ZFR: variants seen among roughly 807,000 people sequenced by gnomAD.
ZFR encodes zinc finger RNA-binding protein.
A neutral mutation model predicts 130.7 loss-of-function variants in ZFR; 19 were observed. The ratio of observed to expected loss-of-function variants is 0.15; its 90% CI spans 0.10 to 0.21. The LOEUF (loss-of-function observed/expected upper bound fraction) is 0.21. Ranked by LOEUF, ZFR falls within the 10% of genes least tolerant of loss-of-function variation. The pLI is 1.00. For synonymous variants in ZFR, 466 were observed against 456.9 expected (o/e 1.02, Z -0.25); for missense variants, 872 against 1,321.5 (o/e 0.66, Z 5.27).
intron 17 of ZFR, among the ~76,000 whole-genome samples, chr5:32,369,273 T>C (rs1394715117): frequency 6.6e-6 from 1 of 152,186 alleles, no homozygotes; most frequent in African/African-American, 2.4e-5. Flanking sequence ...TAGAACTCTT[T>C]GTTGGTTCTA....
At chr5:32,415,511 TGTGTGCGCGC>T (rs1338526506) in intron 4 of ZFR, among the ~76,000 whole-genome samples, 23 of 93,484 alleles carry the variant, frequency 2.5e-4, no homozygotes, top group Admixed American at 9.9e-4. Flanking sequence ...TGTGTGTGTG[TGTGTGCGCGC>T]GCGCGCGCGC....
At position 32,355,624 on chromosome 5, in the gene ZFR, A is replaced by G. The variant is rs1752286993; in HGVS notation, c.*136T>C. 5.0e-6 allele frequency: 4 copies of G among 794,670 alleles called. No homozygotes were observed. Among genetic ancestry groups the G allele is most frequent in the East Asian group, 3.1e-5 (1 of 32,750 alleles). The allele number at this position is 794,670 out of a possible 1,614,324, so 49.2% of individuals were successfully genotyped here. On this transcript the variant is annotated 3_prime_UTR_variant, in exon 20 of 20. Coordinates refer to ENST00000265069, the MANE Select transcript of ZFR (RefSeq NM_016107.5). Reference sequence around the variant, plus strand: ...TACCTAACACTGTACATTTTTTAATATCATAGAAAAACTTGGTTCTTCCAT... The same window carrying G: ...TACCTAACACTGTACATTTTTTAATGTCATAGAAAAACTTGGTTCTTCCAT...
intron 2 of ZFR, among the ~76,000 whole-genome samples, chr5:32,432,209 T>C (rs1045306948): frequency 6.6e-6 from 1 of 152,142 alleles, no homozygotes; most frequent in Non-Finnish European, 1.5e-5. Context: ...ATGTTGAGGG[T>C]ACAGTGAACT....
chr5:32,427,756 T>C (rs1012665212), intron 2 of ZFR, among the ~76,000 whole-genome samples: 3 of 152,198 alleles, frequency 2.0e-5, no homozygotes, highest in Non-Finnish European at 4.4e-5. Context: ...CAAAACAGTA[T>C]AGTGCTGGCA....
chr5:32,438,670 T>C (rs1269100166), intron 2 of ZFR, among the ~76,000 whole-genome samples: 1 of 152,186 alleles, frequency 6.6e-6, no homozygotes, highest in Non-Finnish European at 1.5e-5. Flanking sequence ...CTTTCCTTCT[T>C]TCTCTATTAG....
chr5:32,436,440 C>T (rs968374220), intron 2 of ZFR, among the ~76,000 whole-genome samples: 1 of 152,102 alleles, frequency 6.6e-6, no homozygotes, highest in East Asian at 1.9e-4. Flanking sequence ...CGTGAGCCAC[C>T]GTGCCTGGCC....
In ZFR at chr5:32,430,020, C is replaced by T. The variant is rs185842056; in HGVS notation, c.138-9917G>A. On this transcript the variant is annotated intron_variant, in intron 2 of 19. Transcript: ENST00000265069. Reference sequence around the variant, plus strand: ...CTGCTGTGAGCTACAACTGCACCACCGCAATCCTGGGTGATGTTGCCTGGG... The same window carrying T: ...CTGCTGTGAGCTACAACTGCACCACTGCAATCCTGGGTGATGTTGCCTGGG... Among the ~76,000 whole-genome samples, 615 of 142,700 alleles carry T rather than the reference C, an allele frequency of 4.3e-3. 4 individuals carry two copies. The highest frequency in any genetic ancestry group is 0.014 in the African/African-American group (536 of 38,374). The allele number at this position is 142,700 out of a possible 152,430, so 93.6% of individuals were successfully genotyped here.
intron 14 of ZFR, among the ~76,000 whole-genome samples, chr5:32,386,972 A>C (rs1753058212): frequency 6.6e-6 from 1 of 152,112 alleles, no homozygotes; most frequent in Non-Finnish European, 1.5e-5. Context: ...GCTTAAAAAA[A>C]GTTTGTTTTT....
chr5:32,396,200 A>C (rs1023095281), intron 10 of ZFR, among the ~76,000 whole-genome samples: 4 of 151,592 alleles, frequency 2.6e-5, no homozygotes, highest in Non-Finnish European at 2.9e-5. Context: ...GCAACAGAGC[A>C]AGGCCCTATC....
chr5:32,412,759 G>A (rs1753739063), intron 5 of ZFR, among the ~76,000 whole-genome samples: 1 of 152,114 alleles, frequency 6.6e-6, no homozygotes, highest in African/African-American at 2.4e-5. Flanking sequence ...ATATTGCTGA[G>A]CCATTTGAAA....
At position 32,385,613 on chromosome 5, in the gene ZFR, C is replaced by T. The variant is rs1457265492; in HGVS notation, c.2536G>A (p.Val846Ile). 6 of 1,613,276 alleles carry T rather than the reference C, an allele frequency of 3.7e-6. No homozygotes were observed. Among genetic ancestry groups the T allele is most frequent in the Non-Finnish European group, 5.1e-6 (6 of 1,179,516 alleles). The change falls in exon 15 of 20, where the codon GTA becomes ATA. Residue 846 changes from valine (V) to isoleucine (I), a missense_variant. Physicochemically the swap from Val to Ile is conservative, Grantham distance 29. Around this residue, in one of 7 missense-constraint regions of ZFR, gnomAD observed 225 missense variants for 282.4 expected, o/e 0.80. Transcript: ENST00000265069. ...TTCAAAATTATTGCCGCTTCAGATA[C>T]AGCACATTTTATGTCATACTTCTCA... Reference protein sequence around the residue: ...SPEKYDIKCAVSEAAIILNSC... With the variant: ...SPEKYDIKCAISEAAIILNSC...
Position 32,355,858 on chromosome 5 carries a change from T to C in ZFR, c.3127A>G (p.Asn1043Asp). Residue 1043 changes from asparagine (N) to aspartate (D), a missense_variant, in exon 20 of 20, where the codon AAC becomes GAC. Physicochemically the swap from Asn to Asp is conservative, Grantham distance 23. Coordinates refer to ENST00000265069, the MANE Select transcript of ZFR (RefSeq NM_016107.5). ...CTTCGTTTCCTGTTGTTGTGGATGT[T>C]AAAACGTTGGCTCATTTGCGGTAAT... ...DPLPQMSQRFNIHNNRKRRRD... is the reference protein window; with the variant it reads ...DPLPQMSQRFDIHNNRKRRRD... 1 of 1,612,354 alleles carries C rather than the reference T, an allele frequency of 6.2e-7. No homozygotes were observed. The highest frequency in any genetic ancestry group is 8.5e-7 in the Non-Finnish European group (1 of 1,179,446).
At chr5:32,443,678 C>G (rs1376612323) in intron 2 of ZFR, among the ~76,000 whole-genome samples, 1 of 152,262 alleles carries the variant, frequency 6.6e-6, no homozygotes, top group Non-Finnish European at 1.5e-5. Context: ...GGGAAGAAGC[C>G]CCACGGCGGA....
Position 32,359,974 on chromosome 5 carries a change from TCCTTG to T in ZFR, c.3045+3969_3045+3973del, listed in dbSNP as rs367733168. Among the ~76,000 whole-genome samples, 9 of 151,834 alleles carry T rather than the reference TCCTTG, an allele frequency of 5.9e-5. No individual in the cohort carries two copies. The South Asian group carries it at 1.0e-3, about 18-fold the overall frequency. On this transcript the variant is annotated intron_variant, in intron 19 of 19. Transcript: ENST00000265069. ...AAAAAAAAAAAAAAGAAAGAAAAAT[TCCTTG>T]TTACTTCATGAATAAAAATAAACTT...
Position 32,444,677 on chromosome 5 carries a change from C to A in ZFR, c.-19G>T. ...GAATCATGGGCTCGGGCTGCTGCTG[C>A]TGAACTCTGAACTCTCACCCGCTGC... is the stretch of plus-strand genomic sequence containing the variant. On this transcript the variant is annotated 5_prime_UTR_variant, in exon 1 of 20. Transcript: ENST00000265069. 3 of 1,506,104 alleles carry A rather than the reference C, an allele frequency of 2.0e-6. No individual in the cohort carries two copies. Among genetic ancestry groups the A allele is most frequent in the South Asian group, 1.3e-5 (1 of 79,030 alleles). 93.3% of individuals were successfully genotyped at this position (1,506,104 alleles called of 1,614,324 possible). A position where few individuals can be genotyped will look rare whatever the true frequency, so the allele number is the denominator to read the frequency against.
At chr5:32,394,755 T>C (rs1056678416) in intron 11 of ZFR, among the ~76,000 whole-genome samples, 3 of 152,196 alleles carry the variant, frequency 2.0e-5, no homozygotes, top group South Asian at 2.1e-4. Context: ...ATTTGAAATA[T>C]GTTTTCTCAA....
chr5:32,414,389 G>A (rs1212500428), intron 5 of ZFR, among the ~76,000 whole-genome samples: 1 of 152,158 alleles, frequency 6.6e-6, no homozygotes, highest in Non-Finnish European at 1.5e-5. Flanking sequence ...CTAGAAATTG[G>A]CAACAGCAGT....
At chr5:32,400,800 G>A (rs554447457) in intron 8 of ZFR, among the ~76,000 whole-genome samples, 3 of 152,318 alleles carry the variant, frequency 2.0e-5, no homozygotes, top group African/African-American at 7.2e-5. Flanking sequence ...GCTGCAGTGA[G>A]CTGAGATCGC....
At chr5:32,374,814 G>C (rs138475252) in intron 17 of ZFR, among the ~76,000 whole-genome samples, 1 of 152,120 alleles carries the variant, frequency 6.6e-6, no homozygotes, top group East Asian at 1.9e-4. Context: ...ACCAGAGAGA[G>C]ACTAATTACA....
Sources: allele counts gnomAD v4.1 joint callset (sites outside exome capture counted in the v4.1 genomes callset), GRCh38; gene constraint gnomAD v4.1.1; regional missense constraint gnomAD v4.1.1; transcripts MANE v1.5; gene names NCBI Gene and HGNC (gene_info 2026-07-23, HGNC 2026-07-21).